The following PALLD variants were observed in gnomAD, a reference collection of about 807,000 sequenced individuals.
PALLD encodes palladin.
A neutral mutation model predicts 123.5 loss-of-function variants in PALLD; 61 were observed. That is an observed-to-expected ratio of 0.49 (90% confidence interval 0.40 to 0.61). PALLD has a LOEUF of 0.61. Ranked by LOEUF, PALLD falls within the 20% of genes least tolerant of loss-of-function variation. The pLI is 0.00. For synonymous variants in PALLD, 465 were observed against 496.4 expected (o/e 0.94, Z 0.84); for missense variants, 1,273 against 1,377.0 (o/e 0.92, Z 1.20).
At chr4:168,698,124 G>A (rs927614959) in intron 8 of PALLD, among the ~76,000 whole-genome samples, 2 of 152,120 alleles carry the variant, frequency 1.3e-5, no homozygotes, top group African/African-American at 4.8e-5. Flanking sequence ...GACACAGAAA[G>A]ACAAACATCA....
chr4:168,786,028 G>A (rs1417399472), intron 10 of PALLD, among the ~76,000 whole-genome samples: 5 of 151,568 alleles, frequency 3.3e-5, no homozygotes, highest in Non-Finnish European at 5.9e-5. Flanking sequence ...CAAATAGTAT[G>A]ATAGAAGTAT....
intron 2 of PALLD, among the ~76,000 whole-genome samples, chr4:168,591,191 T>A (rs1036551707): frequency 5.3e-5 from 8 of 152,130 alleles, no homozygotes; most frequent in African/African-American, 1.9e-4. Flanking sequence ...AAGTATGTAT[T>A]TTCTATCATA....
At chr4:168,573,563 G>A (rs1169812429) in intron 2 of PALLD, among the ~76,000 whole-genome samples, 3 of 152,066 alleles carry the variant, frequency 2.0e-5, no homozygotes, top group Non-Finnish European at 4.4e-5. Context: ...GTTTTTATTG[G>A]TGGGGGACAA....
At chr4:168,588,836 T>C (rs1464794228) in intron 2 of PALLD, among the ~76,000 whole-genome samples, 1 of 150,472 alleles carries the variant, frequency 6.6e-6, no homozygotes, top group Non-Finnish European at 1.5e-5. Context: ...TCAATCTCTA[T>C]CAGAAACAGC....
intron 10 of PALLD, among the ~76,000 whole-genome samples, chr4:168,825,280 C>G (rs764043220): frequency 4.6e-5 from 7 of 152,168 alleles, no homozygotes; most frequent in Non-Finnish European, 8.8e-5. Context: ...TCTTCTCTCT[C>G]TCTTCTCATT....
At chr4:168,888,556 ATATCCAGT>A (rs1237140403) in intron 10 of PALLD, among the ~76,000 whole-genome samples, 1 of 152,154 alleles carries the variant, frequency 6.6e-6, no homozygotes, top group Admixed American at 6.5e-5. Flanking sequence ...TGACACAGTG[ATATCCAGT>A]GAAAGAAGAG....
chr4:168,849,986 A>G (rs1747505251), intron 10 of PALLD, among the ~76,000 whole-genome samples: 1 of 152,200 alleles, frequency 6.6e-6, no homozygotes, highest in Non-Finnish European at 1.5e-5. Flanking sequence ...GTGTCATAAA[A>G]TACAATGAAT....
intron 2 of PALLD, among the ~76,000 whole-genome samples, chr4:168,587,162 T>C (rs896982702): frequency 2.9e-4 from 44 of 152,264 alleles, no homozygotes; most frequent in African/African-American, 9.6e-4. Flanking sequence ...TGTTGAAGAA[T>C]GCGGGTGTGT....
At chr4:168,737,677 A>T (rs1042324731) in intron 10 of PALLD, among the ~76,000 whole-genome samples, 1 of 152,148 alleles carries the variant, frequency 6.6e-6, no homozygotes, top group Non-Finnish European at 1.5e-5. Flanking sequence ...TCAATCTCCC[A>T]ATATATGCTT....
chr4:168,566,976 T>C (rs997166094), intron 2 of PALLD, among the ~76,000 whole-genome samples: 2 of 152,298 alleles, frequency 1.3e-5, no homozygotes, highest in East Asian at 3.9e-4. Flanking sequence ...GTTGTCTTAA[T>C]TGAGGAGGCA....
At chr4:168,779,523 A>G (rs1452003653) in intron 10 of PALLD, among the ~76,000 whole-genome samples, 3 of 151,172 alleles carry the variant, frequency 2.0e-5, no homozygotes, top group African/African-American at 7.3e-5. Flanking sequence ...AAAATATCAT[A>G]TATATACACA....
In PALLD at chr4:168,835,040, G is replaced by A. The variant is rs181055099; in HGVS notation, c.1965-55882G>A. ...ATTATTTCAAGGGGAAATTATTAGC[G>A]TGTTCCAACAGTTCTTAATTGTCCA... is the stretch of plus-strand genomic sequence containing the variant. On this transcript the variant is annotated intron_variant, in intron 10 of 21. Transcript: ENST00000505667. Among the ~76,000 whole-genome samples, 12 of 152,264 alleles carry A rather than the reference G, an allele frequency of 7.9e-5. No homozygotes were observed. In the South Asian group the frequency reaches 1.7e-3, roughly 21 times the overall value.
At chr4:168,581,394 T>A (rs1230219119) in intron 2 of PALLD, among the ~76,000 whole-genome samples, 1 of 152,086 alleles carries the variant, frequency 6.6e-6, no homozygotes, top group Non-Finnish European at 1.5e-5. Flanking sequence ...TTGCTTTTCT[T>A]CACGCCCTTG....
chr4:168,698,513 T>C (rs927665943), intron 8 of PALLD, among the ~76,000 whole-genome samples: 1 of 152,108 alleles, frequency 6.6e-6, no homozygotes, highest in African/African-American at 2.4e-5. Flanking sequence ...ACTTCCTATG[T>C]AACCACAATT....
intron 10 of PALLD, among the ~76,000 whole-genome samples, chr4:168,889,138 TTGTGTGTG>T (rs143065658): frequency 4.5e-5 from 6 of 132,236 alleles, no homozygotes; most frequent in Non-Finnish European, 9.4e-5. Flanking sequence ...TTGCTTTATT[TTGTGTGTG>T]TGTGTGTGTG....
intron 10 of PALLD, among the ~76,000 whole-genome samples, chr4:168,886,148 T>G (rs965082033): frequency 2.0e-5 from 3 of 152,142 alleles, no homozygotes; most frequent in African/African-American, 7.2e-5. Flanking sequence ...AAGCTTTTGG[T>G]TTTTTTAATA....
chr4:168,528,179 G>A (rs1240967914), intron 2 of PALLD, among the ~76,000 whole-genome samples: 1 of 152,118 alleles, frequency 6.6e-6, no homozygotes, highest in Non-Finnish European at 1.5e-5. Flanking sequence ...CTAAAATGAT[G>A]ATGACCCATA....
Position 168,888,526 on chromosome 4 carries a change from C to T in PALLD, c.1965-2396C>T, listed in dbSNP as rs148498540. On this transcript the variant is annotated intron_variant, in intron 10 of 21. Coordinates refer to ENST00000505667, the MANE Select transcript of PALLD (RefSeq NM_001166108.2). Reference sequence around the variant, plus strand: ...CTTACAGTTATGGAGTGAACAATGCCGCTTTTGACATTGCATTTCTGACAC... The same window carrying T: ...CTTACAGTTATGGAGTGAACAATGCTGCTTTTGACATTGCATTTCTGACAC... 1.4e-4 allele frequency among the ~76,000 whole-genome samples: 22 copies of T among 152,196 alleles called. 1 individual carries two copies. Among genetic ancestry groups the T allele is most frequent in the African/African-American group, 5.1e-4 (21 of 41,512 alleles).
At chr4:168,618,774 C>T (rs760762405) in intron 2 of PALLD, among the ~76,000 whole-genome samples, 4 of 152,188 alleles carry the variant, frequency 2.6e-5, no homozygotes, top group Non-Finnish European at 4.4e-5. Flanking sequence ...GTCCTTCCCT[C>T]CAAGGAAAAT....
Sources: gnomAD v4.1 joint callset for allele counts (sites outside exome capture counted in the v4.1 genomes callset) on GRCh38, gnomAD v4.1.1 for gene constraint, MANE v1.5 for transcripts, NCBI Gene and HGNC (gene_info 2026-07-23, HGNC 2026-07-21) for gene names.